SCP2: variants seen among roughly 807,000 people sequenced by gnomAD.
SCP2 encodes the protein sterol carrier protein 2.
SCP2 carries 48 observed loss-of-function variants against 71.4 expected under a neutral mutation model. The observed-to-expected ratio is 0.67, with a 90% CI of 0.53 to 0.86. SCP2 has a LOEUF of 0.86. SCP2 is among the 40% of genes least tolerant of loss of function. The pLI, the probability that SCP2 is intolerant of heterozygous loss-of-function variation, is 0.00. For synonymous variants in SCP2, 220 were observed against 218.1 expected, an observed-to-expected ratio of 1.01 and a Z score of -0.08; for missense variants, 560 against 655.6, an observed-to-expected ratio of 0.85 and a Z score of 1.59.
chr1:53,033,281 C>T (rs1170801915), intron 13 of SCP2, among the ~76,000 whole-genome samples: 1 of 152,150 alleles, frequency 6.6e-6, no homozygotes. Flanking sequence ...TTCCAGGTGG[C>T]TCTCAGGGAA....
At chr1:53,038,819 G>T in intron 13 of SCP2, 98 bp from the exon 14 acceptor site, 1 of 1,485,168 alleles carries the variant, frequency 6.7e-7, no homozygotes, top group Non-Finnish European at 9.4e-7. Context: ...TCCCTGGCCC[G>T]TATACTCATA....
At chr1:52,990,585 T>C (rs1659389140) in intron 11 of SCP2, among the ~76,000 whole-genome samples, 3 of 151,636 alleles carry the variant, frequency 2.0e-5, no homozygotes, top group Admixed American at 2.0e-4. Context: ...ATACAAAAAG[T>C]TAGCCAGGCG....
chr1:53,036,629 A>G (rs80232635), intron 13 of SCP2, among the ~76,000 whole-genome samples: 5,585 of 149,946 alleles, frequency 0.037, 220 homozygotes, highest in East Asian at 0.21. Flanking sequence ...TCTGTTTAAT[A>G]TAATTAAACA....
chr1:52,933,651 C>T (rs780270818), intron 1 of SCP2, among the ~76,000 whole-genome samples: 5 of 152,074 alleles, frequency 3.3e-5, no homozygotes, highest in Admixed American at 6.6e-5. Flanking sequence ...TTCTATCAAA[C>T]GTATTTAAGT....
At chr1:52,959,721 G>C (rs1327561362) in intron 5 of SCP2, among the ~76,000 whole-genome samples, 1 of 151,896 alleles carries the variant, frequency 6.6e-6, no homozygotes, top group African/African-American at 2.4e-5. Context: ...AGTCATTCAT[G>C]TTATTCCCGT....
At chr1:52,940,681 C>T (rs908212139) in intron 1 of SCP2, among the ~76,000 whole-genome samples, 5 of 152,252 alleles carry the variant, frequency 3.3e-5, no homozygotes, top group Non-Finnish European at 4.4e-5. Flanking sequence ...CCACAGTAAG[C>T]GCCCAATAAA....
intron 11 of SCP2, among the ~76,000 whole-genome samples, chr1:53,007,126 T>A (rs1660689434): frequency 1.3e-5 from 2 of 152,172 alleles, no homozygotes; most frequent in Non-Finnish European, 2.9e-5. Context: ...CCCGGATTCA[T>A]AAAGCAAGTC....
At chr1:52,933,890 A>G (rs1653401783) in intron 1 of SCP2, among the ~76,000 whole-genome samples, 1 of 152,232 alleles carries the variant, frequency 6.6e-6, no homozygotes, top group South Asian at 2.1e-4. Context: ...AATGGTGGGT[A>G]ACACTGTTGG....
chr1:53,010,328 C>T (rs897672633), intron 11 of SCP2, among the ~76,000 whole-genome samples: 28 of 152,284 alleles, frequency 1.8e-4, no homozygotes, highest in African/African-American at 6.3e-4. Context: ...CACATGCACA[C>T]GTATGTTTAT....
chr1:53,051,234 A>G lies in SCP2; in HGVS notation c.*530A>G, dbSNP rs1437561094. ...TGCATTTCATGCTATCAGAAACAGT[A>G]TTTTCTTCCCAAATCAAAATAAAAG... is the stretch of plus-strand genomic sequence containing the variant. On this transcript the variant is annotated 3_prime_UTR_variant, in exon 16 of 16. Transcript: ENST00000371514. 1 of 152,288 alleles carries G rather than the reference A, an allele frequency of 6.6e-6. No homozygotes were observed. The highest frequency in any genetic ancestry group is 1.5e-5 in the Non-Finnish European group (1 of 68,138). 9.4% of individuals were successfully genotyped at this position (152,288 alleles called of 1,614,324 possible).
At chr1:53,032,613 G>C (rs543306862) in intron 13 of SCP2, among the ~76,000 whole-genome samples, 10 of 152,322 alleles carry the variant, frequency 6.6e-5, no homozygotes, top group Admixed American at 3.3e-4. Flanking sequence ...AAGAGAAAGT[G>C]GCTGGAGATA....
chr1:52,938,160 A>C (rs2150105761), intron 1 of SCP2, among the ~76,000 whole-genome samples: 1 of 152,268 alleles, frequency 6.6e-6, no homozygotes, highest in South Asian at 2.1e-4. Context: ...CAGCTGGTTT[A>C]TTTGTCACAT....
chr1:52,975,079 C>T (rs1351024463), intron 7 of SCP2, among the ~76,000 whole-genome samples: 2 of 152,006 alleles, frequency 1.3e-5, no homozygotes, highest in African/African-American at 2.4e-5. Flanking sequence ...GACAGAGCCT[C>T]GCTGTGTCAT....
At chr1:53,028,199 T>A in intron 13 of SCP2, 128 bp downstream of exon 13, 1 of 649,622 alleles carries the variant, frequency 1.5e-6, no homozygotes, top group Non-Finnish European at 2.9e-6. Flanking sequence ...TGAGTGTAGT[T>A]AGATTTCTGA....
intron 10 of SCP2, among the ~76,000 whole-genome samples, chr1:52,982,039 C>A (rs191562536): frequency 5.5e-4 from 84 of 151,488 alleles, no homozygotes; most frequent in Admixed American, 5.3e-4. Flanking sequence ...TTTTTTTCAC[C>A]ATATCTCTTT....
intron 10 of SCP2, among the ~76,000 whole-genome samples, chr1:52,986,169 G>A (rs751392405): frequency 3.9e-5 from 6 of 152,092 alleles, no homozygotes; most frequent in African/African-American, 9.7e-5. Flanking sequence ...AGGGGAGAGC[G>A]TTCATTTACA....
At chr1:52,980,361 T>C in intron 9 of SCP2, 35 bp from the exon 10 acceptor site, 2 of 1,602,658 alleles carry the variant, frequency 1.2e-6, no homozygotes, top group Non-Finnish European at 1.7e-6. Context: ...GGCCCAGTTT[T>C]GGTGCCCTTT....
In SCP2 at chr1:52,954,753, T is replaced by C. The variant is rs755538374; in HGVS notation, c.345T>C (p.Cys115=). ...RQLIQGGVAE[C]VLALGFEKMS... is the part of the protein sequence containing the mutation. Reference sequence around the variant, plus strand: ...TTTTCCTTTAAGGTGTGGCAGAATGTGTCTTGGCTCTTGGGTTTGAGAAGA... The same window carrying C: ...TTTTCCTTTAAGGTGTGGCAGAATGCGTCTTGGCTCTTGGGTTTGAGAAGA... The change falls in exon 5 of 16, where the codon TGT becomes TGC. Residue 115 remains cysteine (C), a synonymous_variant. Transcript: ENST00000371514. 6.2e-7 allele frequency: 1 copy of C among 1,613,756 alleles called. No individual in the cohort carries two copies. Among genetic ancestry groups the C allele is most frequent in the Admixed American group, 1.7e-5 (1 of 60,026 alleles).
intron 3 of SCP2, among the ~76,000 whole-genome samples, chr1:52,948,592 T>C (rs1257017607): frequency 7.6e-6 from 1 of 131,502 alleles, no homozygotes; most frequent in African/African-American, 3.0e-5. Context: ...GCCACTGCAC[T>C]CCAGCCTGGG....
Sources: gnomAD v4.1 joint callset for allele counts (sites outside exome capture counted in the v4.1 genomes callset) on GRCh38, gnomAD v4.1.1 for gene constraint, MANE v1.5 for transcripts, NCBI Gene and HGNC (gene_info 2026-07-23, HGNC 2026-07-21) for gene names.